Variants in SRGAP2 observed in about 807,000 individuals in gnomAD.
The protein encoded by SRGAP2 is SLIT-ROBO Rho GTPase activating protein 2.
Under a neutral mutation model 57.2 loss-of-function variants are expected in SRGAP2, and 15 were observed. The ratio of observed to expected loss-of-function variants is 0.26; its 90% confidence interval spans 0.18 to 0.40. SRGAP2 has a LOEUF of 0.40. Ranked by LOEUF, SRGAP2 falls within the 10% of genes least tolerant of loss-of-function variation. The pLI is 1.00. For missense variants in SRGAP2, 520 were observed against 669.6 expected (o/e 0.78, Z 2.47); for synonymous variants, 249 against 248.0 (o/e 1.00, Z -0.04).
intron 13 of SRGAP2, among the ~76,000 whole-genome samples, chr1:206,423,193 C>A (rs976086125): frequency 6.6e-6 from 1 of 152,190 alleles, no homozygotes; most frequent in Admixed American, 6.5e-5. Flanking sequence ...CTTCCCTGCT[C>A]CCTGTAACCT....
At chr1:206,217,417 G>C (rs1451636111) in intron 2 of SRGAP2, among the ~76,000 whole-genome samples, 2 of 152,004 alleles carry the variant, frequency 1.3e-5, no homozygotes. Flanking sequence ...AGAAAGCTTG[G>C]GTTCTAGTTT....
chr1:206,438,368 G>A (rs868994721), intron 16 of SRGAP2, among the ~76,000 whole-genome samples: 5 of 150,108 alleles, frequency 3.3e-5, no homozygotes, highest in Non-Finnish European at 7.4e-5. Context: ...TCTTTTTTTA[G>A]TAAAATACCT....
chr1:206,458,729 A>C lies in SRGAP2; in HGVS notation c.2614A>C (p.Ser872Arg), dbSNP rs782586714. Reference protein sequence around the residue: ...TDSSSPGVGASCRPSSQPIMS... With the variant: ...TDSSSPGVGARCRPSSQPIMS... ...CTCCTCCTCCCCAGGGGTGGGGGCTAGCTGCCGCCCATCCTCCCAGCCCAT... is the reference window on the plus strand; with the variant it reads ...CTCCTCCTCCCCAGGGGTGGGGGCTCGCTGCCGCCCATCCTCCCAGCCCAT... Residue 872 changes from serine (S) to arginine (R), a missense_variant, in exon 22 of 23, where the codon AGC becomes CGC. Coordinates refer to ENST00000573034, the MANE Select transcript of SRGAP2 (RefSeq NM_015326.5). The C allele has an allele frequency of 3.8e-6, 3 of 780,572 alleles. No individual in the cohort carries two copies. Among genetic ancestry groups the C allele is most frequent in the Non-Finnish European group, 7.2e-6 (3 of 417,880 alleles). 48.4% of individuals were successfully genotyped at this position (780,572 alleles called of 1,614,324 possible). A position where few individuals can be genotyped will look rare whatever the true frequency, so the allele number is the denominator to read the frequency against.
chr1:206,435,784 A>G (rs1661679036), intron 14 of SRGAP2, among the ~76,000 whole-genome samples: 1 of 152,218 alleles, frequency 6.6e-6, no homozygotes, highest in African/African-American at 2.4e-5. Context: ...TTGTTGTGAC[A>G]TTATTATTTC....
Position 206,344,146 on chromosome 1 carries a change from AT to A in SRGAP2, c.423+1146del, listed in dbSNP as rs560641975. On this transcript the variant is annotated intron_variant, in intron 4 of 22. Coordinates refer to ENST00000573034, the MANE Select transcript of SRGAP2 (RefSeq NM_015326.5). ...TCACTAGATCTGGAATTAATACCCCATTTTTTTTCTGTAATTACCAGCCTGA... is the reference window on the plus strand; with the variant it reads ...TCACTAGATCTGGAATTAATACCCCATTTTTTTCTGTAATTACCAGCCTGA... 4.3e-3 allele frequency among the ~76,000 whole-genome samples: 651 copies of A among 149,798 alleles called. 2 individuals carry two copies. Among genetic ancestry groups the A allele is most frequent in the African/African-American group, 0.015 (614 of 40,844 alleles).
chr1:206,256,371 A>C lies in SRGAP2; in HGVS notation c.68-46910A>C, dbSNP rs1571693773. 2.0e-5 allele frequency among the ~76,000 whole-genome samples: 3 copies of C among 152,216 alleles called. No individual in the cohort carries two copies. The East Asian group carries it at 5.8e-4, about 29-fold the overall frequency. ...ATACCCATCAGGCTAAATTAGGTGA[A>C]ATCTCTTTGGCCTTAATGAATGTTG... On this transcript the variant is annotated intron_variant, in intron 2 of 22. Transcript: ENST00000573034.
At chr1:206,421,131 A>G in intron 12 of SRGAP2, 119 bp from the exon 13 acceptor site, 1 of 554,222 alleles carries the variant, frequency 1.8e-6, no homozygotes, top group Non-Finnish European at 3.3e-6. Flanking sequence ...ATTTTTTTTA[A>G]TTATTAAAAA....
rs781851684 is a variant in SRGAP2, at chr1:206,454,839, T to C, written c.2361-39T>C. 2.9e-5 allele frequency: 21 copies of C among 720,050 alleles called. No homozygotes were observed. Among genetic ancestry groups the C allele is most frequent in the Non-Finnish European group, 1.5e-5 (6 of 389,280 alleles). The allele number at this position is 720,050 out of a possible 1,614,324, so 44.6% of individuals were successfully genotyped here. A position where few individuals can be genotyped will look rare whatever the true frequency, so the allele number is the denominator to read the frequency against. Reference sequence around the variant, plus strand: ...AACGCTGCTTTTTGTGTTGTTGTTGTTTTCCCTCCTCCCTGCCTGCCTGCC... The same window carrying C: ...AACGCTGCTTTTTGTGTTGTTGTTGCTTTCCCTCCTCCCTGCCTGCCTGCC... On this transcript the variant is annotated intron_variant, in intron 20 of 22. Coordinates refer to ENST00000573034, the MANE Select transcript of SRGAP2 (RefSeq NM_015326.5). The surrounding 1 kb of genome is among the most constrained non-coding windows in gnomAD (Gnocchi z 4.3).
rs1316773877 is a variant in SRGAP2 at position 206,463,028 on chromosome 1, G to A, written c.*1608G>A. 2 of 152,228 alleles carry A rather than the reference G, an allele frequency of 1.3e-5. No homozygotes were observed. Among genetic ancestry groups the A allele is most frequent in the Admixed American group, 6.5e-5 (1 of 15,288 alleles). 9.4% of individuals were successfully genotyped at this position (152,228 alleles called of 1,614,324 possible). ...TAGCCTTATTATTTTCTGTAGTTCC[G>A]GAGAGATGGTGGGTTGCCATTCTGG... On this transcript the variant is annotated 3_prime_UTR_variant, in exon 23 of 23. Coordinates refer to ENST00000573034, the MANE Select transcript of SRGAP2 (RefSeq NM_015326.5).
At chr1:206,433,107 A>G (rs1661414768) in intron 14 of SRGAP2, among the ~76,000 whole-genome samples, 1 of 152,210 alleles carries the variant, frequency 6.6e-6, no homozygotes, top group Non-Finnish European at 1.5e-5. Context: ...TTTGCATTTC[A>G]TTACCTTTTA....
chr1:206,422,099 T>G (rs1553364620), intron 13 of SRGAP2, among the ~76,000 whole-genome samples: 1 of 152,184 alleles, frequency 6.6e-6, no homozygotes, highest in Non-Finnish European at 1.5e-5. Context: ...TTGTGTCTGC[T>G]CAGGGGAAAG....
intron 13 of SRGAP2, among the ~76,000 whole-genome samples, chr1:206,424,967 T>C (rs2103264095): frequency 6.6e-6 from 1 of 152,348 alleles, no homozygotes; most frequent in East Asian, 1.9e-4. Flanking sequence ...CATTGGGGGC[T>C]GCATGTGAGT....
intron 2 of SRGAP2, among the ~76,000 whole-genome samples, chr1:206,266,405 G>T (rs1407212208): frequency 3.3e-5 from 5 of 152,028 alleles, no homozygotes; most frequent in African/African-American, 1.2e-4. Flanking sequence ...CACCACGCCC[G>T]GCTAATGTTG....
chr1:206,244,515 C>T (rs1421369803), intron 2 of SRGAP2, among the ~76,000 whole-genome samples: 5 of 133,478 alleles, frequency 3.7e-5, no homozygotes, highest in Non-Finnish European at 7.9e-5. Context: ...CCAACTGCCT[C>T]GGCCTCCCAA....
chr1:206,243,585 T>C (rs1668369745), intron 2 of SRGAP2, among the ~76,000 whole-genome samples: 1 of 152,136 alleles, frequency 6.6e-6, no homozygotes, highest in South Asian at 2.1e-4. Context: ...CCTTCCTCTT[T>C]TGTAGAAAGT....
chr1:206,371,589 G>A (rs1654552206), intron 4 of SRGAP2, among the ~76,000 whole-genome samples: 1 of 151,360 alleles, frequency 6.6e-6, no homozygotes, highest in Admixed American at 6.6e-5. Flanking sequence ...AAATTAGCCA[G>A]GCATAGTGGC....
At chr1:206,358,982 GA>G (rs1236437402) in intron 4 of SRGAP2, among the ~76,000 whole-genome samples, 1 of 151,238 alleles carries the variant, frequency 6.6e-6, no homozygotes, top group Admixed American at 6.6e-5. Flanking sequence ...TAGGATCTTG[GA>G]AAAAAAACAG....
At chr1:206,313,591 G>A (rs1571829533) in intron 3 of SRGAP2, among the ~76,000 whole-genome samples, 1 of 152,082 alleles carries the variant, frequency 6.6e-6, no homozygotes, top group Non-Finnish European at 1.5e-5. Flanking sequence ...AGTGGACAAA[G>A]GTAGATGGGT....
At position 206,409,774 on chromosome 1, in the gene SRGAP2, T is replaced by A. The variant is rs1468828776; in HGVS notation, c.1356+3200T>A. Reference sequence around the variant, plus strand: ...TCCAGCCTGGGTGACAGAGTAAGACTCTGCCTAAAAAAAAAAAAGAAAGAT... The same window carrying A: ...TCCAGCCTGGGTGACAGAGTAAGACACTGCCTAAAAAAAAAAAAGAAAGAT... On this transcript the variant is annotated intron_variant, in intron 10 of 22. Coordinates refer to ENST00000573034, the MANE Select transcript of SRGAP2 (RefSeq NM_015326.5). 1.7e-4 allele frequency among the ~76,000 whole-genome samples: 24 copies of A among 142,156 alleles called. No homozygotes were observed. The South Asian group carries it at 5.2e-3, about 31-fold the overall frequency. The allele number at this position is 142,156 out of a possible 152,430, so 93.3% of individuals were successfully genotyped here. A position where few individuals can be genotyped will look rare whatever the true frequency, so the allele number is the denominator to read the frequency against.
Sources: allele counts gnomAD v4.1 joint callset (sites outside exome capture counted in the v4.1 genomes callset), GRCh38; gene constraint gnomAD v4.1.1; non-coding constraint Gnocchi (gnomAD v3.1); transcripts MANE v1.5; gene names NCBI Gene and HGNC (gene_info 2026-07-23, HGNC 2026-07-21).